Variants in PTPRD observed in about 807,000 individuals in gnomAD.
PTPRD encodes the protein protein tyrosine phosphatase receptor type D, also known as receptor-type tyrosine-protein phosphatase delta.
A neutral mutation model predicts 214.5 loss-of-function variants in PTPRD; 34 were observed. The observed-to-expected ratio is 0.16, with a 90% CI of 0.12 to 0.21. PTPRD has a LOEUF of 0.21. PTPRD is among the 10% of genes least tolerant of loss of function. The pLI, the probability that PTPRD is intolerant of heterozygous loss-of-function variation, is 1.00. For missense variants in PTPRD, 2,545 were observed against 2,398.7 expected, an observed-to-expected ratio of 1.06 and a Z score of -1.27; for synonymous variants, 1,128 against 845.7, an observed-to-expected ratio of 1.33 and a Z score of -5.79.
rs187467869 is a variant in PTPRD, at chr9:8,472,658, A to G, written c.3414-1573T>C. On this transcript the variant is annotated intron_variant, in intron 30 of 45. Coordinates refer to ENST00000381196, the MANE Select transcript of PTPRD (RefSeq NM_002839.4). ...AAGAGTGTGAAATATCTCAGTAATA[A>G]TTTTTAAAATAATGATACATTATAA... Among the ~76,000 whole-genome samples, 4 of 152,288 alleles carry G rather than the reference A, an allele frequency of 2.6e-5. No individual in the cohort carries two copies. The South Asian group carries it at 6.2e-4, about 24-fold the overall frequency.
chr9:9,204,954 G>A (rs770144985), intron 9 of PTPRD, among the ~76,000 whole-genome samples: 11 of 152,050 alleles, frequency 7.2e-5, no homozygotes, highest in Non-Finnish European at 1.3e-4. Context: ...AGTATCTGCG[G>A]CATTAAAGAA....
chr9:9,053,365 G>A (rs1464159386), intron 10 of PTPRD, among the ~76,000 whole-genome samples: 2 of 151,542 alleles, frequency 1.3e-5, no homozygotes, highest in Non-Finnish European at 2.9e-5. Context: ...GCTGAAAAAT[G>A]CTAGTTGTTA....
chr9:9,375,017 T>A (rs924704423), intron 9 of PTPRD, among the ~76,000 whole-genome samples: 2 of 152,194 alleles, frequency 1.3e-5, no homozygotes, highest in Non-Finnish European at 2.9e-5. Context: ...TCTCAATTAC[T>A]AGAACTTTTT....
intron 5 of PTPRD, among the ~76,000 whole-genome samples, chr9:9,909,708 T>C (rs576734556): frequency 8.6e-5 from 13 of 152,022 alleles, no homozygotes; most frequent in Admixed American, 6.6e-5. Context: ...ATGAACTAAT[T>C]AAGAAATTGA....
intron 11 of PTPRD, among the ~76,000 whole-genome samples, chr9:8,843,630 G>A (rs553959789): frequency 6.6e-6 from 1 of 152,116 alleles, no homozygotes; most frequent in Non-Finnish European, 1.5e-5. Context: ...AGGACAATGG[G>A]TTTCTTAAGT....
At chr9:8,318,249 A>C (rs1025305883) in intron 45 of PTPRD, among the ~76,000 whole-genome samples, 2 of 152,028 alleles carry the variant, frequency 1.3e-5, no homozygotes, top group African/African-American at 4.8e-5. Flanking sequence ...ATTACCACCA[A>C]TTGAACACAT....
intron 3 of PTPRD, among the ~76,000 whole-genome samples, chr9:10,136,563 A>AAGAATATCTCAAACT (rs1307429779): frequency 1.4e-5 from 2 of 140,084 alleles, no homozygotes; most frequent in African/African-American, 2.7e-5. Context: ...TAAAAATTAA[A>AAGAATATCTCAAACT]GATTTAAACG....
chr9:8,722,000 G>C (rs1331270178), intron 12 of PTPRD, among the ~76,000 whole-genome samples: 1 of 152,230 alleles, frequency 6.6e-6, no homozygotes, highest in Non-Finnish European at 1.5e-5. Context: ...AATGTTGAGA[G>C]ACCACTGGGT....
chr9:8,326,200 G>A (rs1404602306), intron 44 of PTPRD, among the ~76,000 whole-genome samples: 3 of 152,192 alleles, frequency 2.0e-5, no homozygotes, highest in Admixed American at 2.0e-4. Flanking sequence ...GATAGTGGCT[G>A]TGCGTTTGTC....
intron 8 of PTPRD, among the ~76,000 whole-genome samples, chr9:9,470,334 G>C (rs2094503476): frequency 1.3e-5 from 2 of 152,136 alleles, no homozygotes; most frequent in Non-Finnish European, 2.9e-5. Flanking sequence ...GAAACAGCAA[G>C]ATACCACCTA....
At chr9:9,160,572 T>C (rs1200695998) in intron 10 of PTPRD, among the ~76,000 whole-genome samples, 1 of 152,152 alleles carries the variant, frequency 6.6e-6, no homozygotes, top group Non-Finnish European at 1.5e-5. Flanking sequence ...CACTTGTCTT[T>C]TGCTGGTGGA....
At chr9:8,389,191 G>T (rs1374487406) in intron 37 of PTPRD, 41 bp downstream of exon 37, 1 of 1,547,324 alleles carries the variant, frequency 6.5e-7, no homozygotes, top group South Asian at 1.3e-5. Context: ...GGACTCTGAG[G>T]GAAAATTTTT....
At chr9:9,789,854 A>G (rs2098955111) in intron 5 of PTPRD, among the ~76,000 whole-genome samples, 1 of 151,864 alleles carries the variant, frequency 6.6e-6, no homozygotes, top group Admixed American at 6.6e-5. Flanking sequence ...TATCAGGACA[A>G]GTGCAAATCA....
chr9:8,940,571 G>C (rs2099027372), intron 11 of PTPRD, among the ~76,000 whole-genome samples: 1 of 150,518 alleles, frequency 6.6e-6, no homozygotes, highest in Non-Finnish European at 1.5e-5. Flanking sequence ...TGGGATTACA[G>C]GTGTGAGCCA....
At position 8,948,662 on chromosome 9, in the gene PTPRD, G is replaced by A. The variant is rs763282010; in HGVS notation, c.-104+70035C>T. On this transcript the variant is annotated intron_variant, in intron 11 of 45. Coordinates refer to ENST00000381196, the MANE Select transcript of PTPRD (RefSeq NM_002839.4). ...CAGATTTACTTTATAGAATACCTCC[G>A]TAGTGATACAAATTAAGTTATAAAA... 1.3e-4 allele frequency among the ~76,000 whole-genome samples: 18 copies of A among 139,192 alleles called. No homozygotes were observed. In the South Asian group the frequency reaches 1.6e-3, roughly 12 times the overall value. 91.3% of individuals were successfully genotyped at this position (139,192 alleles called of 152,430 possible).
At chr9:9,074,508 C>T (rs1277119295) in intron 10 of PTPRD, among the ~76,000 whole-genome samples, 3 of 151,828 alleles carry the variant, frequency 2.0e-5, no homozygotes, top group Non-Finnish European at 4.4e-5. Flanking sequence ...TTCTTTCCAC[C>T]TTATGTTTTA....
chr9:9,545,045 T>C (rs937516691), intron 8 of PTPRD, among the ~76,000 whole-genome samples: 3 of 151,724 alleles, frequency 2.0e-5, no homozygotes. Context: ...AGATTTCAAA[T>C]ATACTTCTTG....
intron 12 of PTPRD, among the ~76,000 whole-genome samples, chr9:8,702,406 T>A (rs941626944): frequency 6.6e-6 from 1 of 152,168 alleles, no homozygotes; most frequent in African/African-American, 2.4e-5. Flanking sequence ...GTTCATGGAT[T>A]CATTCAACAA....
intron 2 of PTPRD, among the ~76,000 whole-genome samples, chr9:10,347,932 C>A (rs572101788): frequency 4.3e-4 from 66 of 152,024 alleles, no homozygotes; most frequent in African/African-American, 1.3e-3. Context: ...GTGCATGTGC[C>A]TGGAGTCCCT....
Sources: allele counts gnomAD v4.1 joint callset (sites outside exome capture counted in the v4.1 genomes callset), GRCh38; gene constraint gnomAD v4.1.1; transcripts MANE v1.5; gene names NCBI Gene and HGNC (gene_info 2026-07-23, HGNC 2026-07-21).